OR1J2: variants seen among roughly 807,000 people sequenced by gnomAD.
OR1J2 encodes the protein olfactory receptor 1J2.
For missense variants in OR1J2, 304 were observed against 246.1 expected (o/e 1.24, Z -1.57); for synonymous variants, 142 against 99.7 (o/e 1.42, Z -2.52).
the OR1J2 span, among the ~76,000 whole-genome samples, chr9:122,576,247 A>G: frequency 3.9e-5 from 6 of 151,958 alleles, no homozygotes; most frequent in Non-Finnish European, 5.9e-5. Flanking sequence ...TTTAAGACAG[A>G]GTCTTGCTCT....
the OR1J2 span, among the ~76,000 whole-genome samples, chr9:122,524,426 A>G: frequency 1.3e-5 from 2 of 152,362 alleles, no homozygotes; most frequent in East Asian, 1.9e-4. Flanking sequence ...ATACATTGAT[A>G]ACTCTTGGCT....
the OR1J2 span, among the ~76,000 whole-genome samples, chr9:122,466,359 A>G: frequency 6.6e-6 from 1 of 152,200 alleles, no homozygotes; most frequent in Admixed American, 6.5e-5. Flanking sequence ...TCCGGGTTGT[A>G]TTTGTAGAAA....
At chr9:122,530,207 G>A in the OR1J2 span, among the ~76,000 whole-genome samples, 2 of 152,290 alleles carry the variant, frequency 1.3e-5, no homozygotes, top group South Asian at 2.1e-4. Flanking sequence ...TGGCAGTTAC[G>A]TTCATCAGCT....
At chr9:122,544,181 ATTTTTTTAAATTTAAT>A in the OR1J2 span, among the ~76,000 whole-genome samples, 1 of 151,992 alleles carries the variant, frequency 6.6e-6, no homozygotes, top group South Asian at 2.1e-4. Flanking sequence ...TTAGATTAAA[ATTTTTTTAAATTTAAT>A]TTTTTTTAAA....
the OR1J2 span, among the ~76,000 whole-genome samples, chr9:122,481,806 C>T: frequency 6.6e-6 from 1 of 152,094 alleles, no homozygotes; most frequent in Non-Finnish European, 1.5e-5. Context: ...ACTGGATATG[C>T]ACATGCAGAA....
At chr9:122,456,600 A>C in the OR1J2 span, among the ~76,000 whole-genome samples, 2 of 152,246 alleles carry the variant, frequency 1.3e-5, no homozygotes, top group Admixed American at 1.3e-4. Flanking sequence ...AGTCTTTATA[A>C]AAGTAGTTTA....
At chr9:122,511,773 A>G (rs753796404), downstream of OR1J2, 1 of 777,660 alleles carries the variant, frequency 1.3e-6, no homozygotes, top group Non-Finnish European at 2.4e-6. Flanking sequence ...TTAGAATCTC[A>G]TTTTGGTTTA....
the OR1J2 span, among the ~76,000 whole-genome samples, chr9:122,505,629 T>C: frequency 6.6e-6 from 1 of 152,162 alleles, no homozygotes; most frequent in Non-Finnish European, 1.5e-5. Flanking sequence ...AAATAAATCC[T>C]CAAACATTAT....
the OR1J2 span, among the ~76,000 whole-genome samples, chr9:122,450,251 C>T: frequency 6.6e-6 from 1 of 152,032 alleles, no homozygotes; most frequent in African/African-American, 2.4e-5. Flanking sequence ...GGCAACGTGG[C>T]GAAACTCCGT....
At chr9:122,517,652 T>C in the OR1J2 span, among the ~76,000 whole-genome samples, 3 of 152,318 alleles carry the variant, frequency 2.0e-5, no homozygotes, top group Admixed American at 1.3e-4. Flanking sequence ...ACAGTGGCAC[T>C]ATAAACTCAT....
the OR1J2 span, among the ~76,000 whole-genome samples, chr9:122,469,753 T>C: frequency 6.6e-6 from 1 of 152,210 alleles, no homozygotes; most frequent in Non-Finnish European, 1.5e-5. Context: ...AAATCCAGGC[T>C]GAGGTGGTCT....
At chr9:122,554,487 C>T in the OR1J2 span, among the ~76,000 whole-genome samples, 1,465 of 152,176 alleles carry the variant, frequency 9.6e-3, 23 homozygotes, top group African/African-American at 0.033. Flanking sequence ...CAATTCTACC[C>T]CAGCAAGGCA....
the OR1J2 span, among the ~76,000 whole-genome samples, chr9:122,524,891 C>A: frequency 1.3e-5 from 2 of 152,106 alleles, no homozygotes; most frequent in Non-Finnish European, 2.9e-5. Context: ...TCCTAGGAGA[C>A]CCTCTTCTGA....
At chr9:122,568,542 A>G in the OR1J2 span, 7 of 924,702 alleles carry the variant, frequency 7.6e-6, no homozygotes, top group East Asian at 1.2e-4. Flanking sequence ...CATAACACCA[A>G]TCATGAGAAC....
chr9:122,460,851 T>G, the OR1J2 span, among the ~76,000 whole-genome samples: 1 of 152,160 alleles, frequency 6.6e-6, no homozygotes, highest in Non-Finnish European at 1.5e-5. Flanking sequence ...CTAAGTATTT[T>G]ATTAATTTGT....
the OR1J2 span, among the ~76,000 whole-genome samples, chr9:122,533,676 C>CACA: frequency 6.6e-6 from 1 of 152,064 alleles, no homozygotes; most frequent in Non-Finnish European, 1.5e-5. Context: ...TCTAAGTTGG[C>CACA]ACCAGAGTTG....
chr9:122,550,970 CTTTG>C, the OR1J2 span, among the ~76,000 whole-genome samples: 3 of 151,744 alleles, frequency 2.0e-5, no homozygotes, highest in Admixed American at 1.3e-4. Context: ...GTCAAAGTAT[CTTTG>C]TTTGCTGATG....
the OR1J2 span, among the ~76,000 whole-genome samples, chr9:122,480,887 C>T: frequency 3.2e-4 from 48 of 152,106 alleles, no homozygotes; most frequent in African/African-American, 9.9e-4. Context: ...CTCTGCCTCC[C>T]GGGTTCAAGT....
the OR1J2 span, among the ~76,000 whole-genome samples, chr9:122,559,300 A>T: frequency 6.6e-6 from 1 of 151,518 alleles, no homozygotes; most frequent in Non-Finnish European, 1.5e-5. Flanking sequence ...TGTAATATTT[A>T]TTTTTATTTT....
Sources: allele counts gnomAD v4.1 joint callset (sites outside exome capture counted in the v4.1 genomes callset), GRCh38; gene constraint gnomAD v4.1.1; transcripts MANE v1.5; gene names NCBI Gene and HGNC (gene_info 2026-07-23, HGNC 2026-07-21).